JPT2: variants seen among roughly 807,000 people sequenced by gnomAD.
The protein encoded by JPT2 is CRAMP_1 like.
A neutral mutation model predicts 15.9 loss-of-function variants in JPT2; 9 were observed. The ratio of observed to expected loss-of-function variants is 0.57; its 90% confidence interval spans 0.34 to 0.99. The LOEUF (loss-of-function observed/expected upper bound fraction) is 0.99, where lower values mean the gene tolerates loss of function less well. Among genes scored for constraint, JPT2 ranks in the 50% least tolerant of loss-of-function variants. The probability of loss-of-function intolerance (pLI) is 0.02; values close to 1 mark genes in which losing one functional copy is unlikely to be tolerated. For synonymous variants in JPT2, 95 were observed against 91.7 expected, an observed-to-expected ratio of 1.04 and a Z score of -0.21; for missense variants, 267 against 252.1, an observed-to-expected ratio of 1.06 and a Z score of -0.40.
At chr16:1,692,444 G>A in intron 3 of JPT2, 1 of 179,072 alleles carries the variant, frequency 5.6e-6, no homozygotes. Context: ...GCACTTGACT[G>A]AAGCGTAGCT....
rs184446174 is a variant in JPT2 at position 1,698,888 on chromosome 16, G to A, written c.463G>A (p.Glu155Lys). Residue 155 changes from glutamate to lysine, a missense_variant, in exon 5 of 5, where the codon GAG becomes AAG. Transcript: ENST00000248098. This position sits in a 1 kb window ranked among gnomAD's most constrained non-coding sequence, Gnocchi z 4.9. The part of the protein sequence containing the change: ...ARKAGPAKEQ[E>K]PMPTVDSHEP... The stretch of plus-strand genomic sequence containing the variant: ...AAAAGCAGGCCCCGCCAAGGAGCAG[G>A]AGCCCATGCCCACAGTCGACAGCCA... 93 of 1,614,238 alleles carry A rather than the reference G, an allele frequency of 5.8e-5. No individual in the cohort carries two copies. In the Admixed American group the frequency reaches 1.2e-3, roughly 22 times the overall value.
rs539642206 is a variant in JPT2 at position 1,702,036 on chromosome 16, AC to A, written c.*3041del. 198 of 433,956 alleles carry A rather than the reference AC, an allele frequency of 4.6e-4. No individual in the cohort carries two copies. The highest frequency in any genetic ancestry group is 3.7e-3 in the African/African-American group (184 of 49,740). The allele number at this position is 433,956 out of a possible 1,614,324, so 26.9% of individuals were successfully genotyped here. On this transcript the variant is annotated 3_prime_UTR_variant, in exon 5 of 5. Coordinates refer to ENST00000248098, the MANE Select transcript of JPT2 (RefSeq NM_144570.3). ...ACTTCAGCCTGGACCACAGAGCAAG[AC>A]CCTGTGTAAAAAAATAAAATAAAAA... is the stretch of plus-strand genomic sequence containing the variant.
At chr16:1,687,455 T>C (rs1220088476) in intron 2 of JPT2, among the ~76,000 whole-genome samples, 1 of 152,158 alleles carries the variant, frequency 6.6e-6, no homozygotes, top group Non-Finnish European at 1.5e-5. Context: ...CAGAATAATA[T>C]ATCGCATGCA....
At chr16:1,685,627 G>A (rs116059235) in intron 2 of JPT2, 40 bp downstream of exon 2, 38,674 of 1,580,254 alleles carry the variant, frequency 0.024, 679 homozygotes, top group African/African-American at 0.068. Context: ...TGGCCTCCAC[G>A]ATTCTCTTTT....
chr16:1,683,746 T>C, intron 1 of JPT2: 1 of 596,130 alleles, frequency 1.7e-6, no homozygotes, highest in Non-Finnish European at 2.9e-6. Flanking sequence ...GCGCTCTTTC[T>C]AGATCTTTTG....
At chr16:1,685,114 C>T (rs538584901) in intron 1 of JPT2, among the ~76,000 whole-genome samples, 1 of 152,120 alleles carries the variant, frequency 6.6e-6, no homozygotes, top group East Asian at 1.9e-4. Flanking sequence ...ATCACTTGAG[C>T]TTAGGGGTTC....
In JPT2 at chr16:1,698,249, C is replaced by T. The variant is rs936396718; in HGVS notation, c.385+389C>T. Among the ~76,000 whole-genome samples, 2 of 152,140 alleles carry T rather than the reference C, an allele frequency of 1.3e-5. No homozygotes were observed. The highest frequency in any genetic ancestry group is 2.4e-5 in the African/African-American group (1 of 41,416). ...CGGGTGTCTCCATGGTGAGTCACCC[C>T]GGGGGAGTGAGCCACTGCTCAGGTT... On this transcript the variant is annotated intron_variant, in intron 4 of 4. Transcript: ENST00000248098. This position sits in a 1 kb window ranked among gnomAD's most constrained non-coding sequence, Gnocchi z 4.9.
Position 1,699,217 on chromosome 16 carries a change from G to T in JPT2, c.*219G>T. The T allele has an allele frequency of 1.5e-6, 1 of 683,744 alleles. No individual in the cohort carries two copies. The highest frequency in any genetic ancestry group is 2.7e-6 in the Non-Finnish European group (1 of 374,164). 42.4% of individuals were successfully genotyped at this position (683,744 alleles called of 1,614,324 possible). A position where few individuals can be genotyped will look rare whatever the true frequency, so the allele number is the denominator to read the frequency against. On this transcript the variant is annotated 3_prime_UTR_variant, in exon 5 of 5. Coordinates refer to ENST00000248098, the MANE Select transcript of JPT2 (RefSeq NM_144570.3). ...TGTGGGGATGAAATGGGGCACCCCT[G>T]GCCATCACTCATGTGTAGTCCAGGT...
intron 1 of JPT2, among the ~76,000 whole-genome samples, chr16:1,680,027 C>G (rs1381902610): frequency 6.6e-6 from 1 of 152,178 alleles, no homozygotes; most frequent in Non-Finnish European, 1.5e-5. Flanking sequence ...CCACTGCACT[C>G]CAGCCTGGAT....
intron 3 of JPT2, among the ~76,000 whole-genome samples, chr16:1,695,537 C>T (rs1004659580): frequency 6.6e-6 from 1 of 151,852 alleles, no homozygotes; most frequent in African/African-American, 2.4e-5. Flanking sequence ...TTGCCATTTG[C>T]ACTCCAGCCT....
At chr16:1,679,478 G>A (rs1159652235) in intron 1 of JPT2, among the ~76,000 whole-genome samples, 3 of 152,158 alleles carry the variant, frequency 2.0e-5, no homozygotes, top group South Asian at 4.2e-4. Flanking sequence ...GGCGAGTCAC[G>A]TGAGGTCAAG....
intron 2 of JPT2, 140 bp from the exon 3 acceptor site, chr16:1,691,703 C>T: frequency 1.0e-6 from 1 of 969,298 alleles, no homozygotes. Flanking sequence ...TCAGTCTGAG[C>T]ATCCTGCCCT....
Position 1,701,411 on chromosome 16 carries a change from G to C in JPT2, c.*2413G>C, listed in dbSNP as rs919778307. The C allele has an allele frequency of 3.9e-5, 6 of 152,344 alleles. No homozygotes were observed. Among genetic ancestry groups the C allele is most frequent in the Non-Finnish European group, 7.3e-5 (5 of 68,038 alleles). The allele number at this position is 152,344 out of a possible 1,614,324, so 9.4% of individuals were successfully genotyped here. On this transcript the variant is annotated 3_prime_UTR_variant, in exon 5 of 5. Transcript: ENST00000248098. ...GGGTGTAACAGTTGAATTAAACTTA[G>C]CAATCACGTGCTCAGAGCTTTTGCC...
At chr16:1,692,160 A>C in intron 3 of JPT2, 175 bp downstream of exon 3, 2 of 824,134 alleles carry the variant, frequency 2.4e-6, no homozygotes, top group Non-Finnish European at 3.7e-6. Flanking sequence ...GTCACCCAGG[A>C]AACAGTCCAG....
In JPT2 at chr16:1,699,355, C is replaced by T. The variant is rs955089775; in HGVS notation, c.*357C>T. The T allele has an allele frequency of 2.1e-6, 1 of 483,508 alleles. No individual in the cohort carries two copies. The highest frequency in any genetic ancestry group is 1.6e-5 in the South Asian group (1 of 63,590). 30.0% of individuals were successfully genotyped at this position (483,508 alleles called of 1,614,324 possible). A position where few individuals can be genotyped will look rare whatever the true frequency, so the allele number is the denominator to read the frequency against. ...TAGGAATGACTGAAAGAAACCAAAACAGCCTGTCCACTGCTGCTGTGGGAT... is the reference window on the plus strand; with the variant it reads ...TAGGAATGACTGAAAGAAACCAAAATAGCCTGTCCACTGCTGCTGTGGGAT... On this transcript the variant is annotated 3_prime_UTR_variant, in exon 5 of 5. Transcript: ENST00000248098.
chr16:1,687,647 G>T (rs984872809), intron 2 of JPT2, among the ~76,000 whole-genome samples: 2 of 152,198 alleles, frequency 1.3e-5, no homozygotes, highest in Non-Finnish European at 2.9e-5. Context: ...TAGTGAGCCA[G>T]CCTCTACTCC....
intron 3 of JPT2, 138 bp from the exon 4 acceptor site, chr16:1,697,674 G>T (rs1036705688): frequency 1.4e-5 from 10 of 710,952 alleles, no homozygotes; most frequent in Non-Finnish European, 2.5e-5. Flanking sequence ...GTCTGTAGAG[G>T]ATTGGGGGGG....
intron 1 of JPT2, among the ~76,000 whole-genome samples, chr16:1,683,159 G>A (rs977098716): frequency 6.6e-6 from 1 of 152,070 alleles, no homozygotes; most frequent in Non-Finnish European, 1.5e-5. Flanking sequence ...TGTATTTTTA[G>A]TAGAGACGGG....
chr16:1,687,079 C>T (rs545916551), intron 2 of JPT2, among the ~76,000 whole-genome samples: 1 of 152,330 alleles, frequency 6.6e-6, no homozygotes, highest in South Asian at 2.1e-4. Context: ...ACTTCCCAGG[C>T]TCAGGTGACC....
Sources: gnomAD v4.1 joint callset for allele counts (sites outside exome capture counted in the v4.1 genomes callset) on GRCh38, gnomAD v4.1.1 for gene constraint, Gnocchi (gnomAD v3.1) non-coding constraint, MANE v1.5 for transcripts, NCBI Gene and HGNC (gene_info 2026-07-23, HGNC 2026-07-21) for gene names.